Variants in LRFN2 observed in about 807,000 individuals in gnomAD.
LRFN2 encodes leucine rich repeat and fibronectin type III domain containing 2.
A neutral mutation model predicts 37.3 loss-of-function variants in LRFN2; 18 were observed. The ratio of observed to expected loss-of-function variants is 0.48; its 90% CI spans 0.33 to 0.72. The LOEUF (loss-of-function observed/expected upper bound fraction) is 0.72, where lower values mean the gene tolerates loss of function less well. Ranked by LOEUF, LRFN2 falls within the 30% of genes least tolerant of loss-of-function variation. The pLI is 0.02. For synonymous variants in LRFN2, 556 were observed against 466.6 expected, an observed-to-expected ratio of 1.19 and a Z score of -2.47; for missense variants, 1,006 against 1,060.7, an observed-to-expected ratio of 0.95 and a Z score of 0.72.
intron 2 of LRFN2, among the ~76,000 whole-genome samples, chr6:40,418,596 C>G (rs1271855815): frequency 1.3e-5 from 2 of 152,104 alleles, no homozygotes; most frequent in African/African-American, 4.8e-5. Context: ...TCATTCTTCC[C>G]CTCAGAACTA....
At chr6:40,583,880 C>T (rs924140460) in intron 1 of LRFN2, among the ~76,000 whole-genome samples, 7 of 152,086 alleles carry the variant, frequency 4.6e-5, no homozygotes, top group South Asian at 2.1e-4. Flanking sequence ...TGGGTGCTGG[C>T]GGCGGTTGGG....
intron 1 of LRFN2, among the ~76,000 whole-genome samples, chr6:40,545,436 G>A (rs944265764): frequency 7.2e-5 from 11 of 152,202 alleles, no homozygotes; most frequent in Non-Finnish European, 1.5e-4. Context: ...CAGCACCAAC[G>A]ATGGGTCATT....
intron 1 of LRFN2, among the ~76,000 whole-genome samples, chr6:40,456,203 A>C (rs1171059716): frequency 6.6e-6 from 1 of 152,248 alleles, no homozygotes; most frequent in Non-Finnish European, 1.5e-5. Flanking sequence ...CTGAGCAAAG[A>C]AGTCACAGAA....
intron 1 of LRFN2, among the ~76,000 whole-genome samples, chr6:40,583,599 G>T (rs1235482122): frequency 6.6e-6 from 1 of 152,206 alleles, no homozygotes. Context: ...TAAAGGGCTT[G>T]TCCAGTTTAC....
At position 40,506,334 on chromosome 6, in the gene LRFN2, A is replaced by G. The variant is rs532596499; in HGVS notation, c.-18-73203T>C. Among the ~76,000 whole-genome samples the G allele has an allele frequency of 2.6e-5, 4 of 152,312 alleles. No homozygotes were observed. In the South Asian group the frequency reaches 8.3e-4, roughly 32 times the overall value. On this transcript the variant is annotated intron_variant, in intron 1 of 2. Transcript: ENST00000338305. Reference sequence around the variant, plus strand: ...TTTTCATGTGGAGATTTGTGCAGGAACTTGAACTGAAAGCAGAGTTCTGAC... The same window carrying G: ...TTTTCATGTGGAGATTTGTGCAGGAGCTTGAACTGAAAGCAGAGTTCTGAC...
intron 2 of LRFN2, among the ~76,000 whole-genome samples, chr6:40,401,581 G>A (rs1433717): frequency 0.014 from 2,128 of 152,238 alleles, 51 homozygotes; most frequent in African/African-American, 0.048. Flanking sequence ...TGCAACAGCA[G>A]TTGCCTCCCC....
chr6:40,453,554 A>C (rs28499484), intron 1 of LRFN2, among the ~76,000 whole-genome samples: 38,816 of 128,184 alleles, frequency 0.3, 6,130 homozygotes, highest in South Asian at 0.4. Flanking sequence ...ACACACACAC[A>C]CCTCCCTTTG....
intron 1 of LRFN2, among the ~76,000 whole-genome samples, chr6:40,472,033 C>G (rs1764609254): frequency 6.6e-6 from 1 of 152,218 alleles, no homozygotes; most frequent in Non-Finnish European, 1.5e-5. Context: ...AATAGATGCC[C>G]CAGCCCCACT....
At chr6:40,513,315 C>A (rs1224391773) in intron 1 of LRFN2, among the ~76,000 whole-genome samples, 1 of 151,858 alleles carries the variant, frequency 6.6e-6, no homozygotes, top group East Asian at 1.9e-4. Flanking sequence ...CTCACTACAA[C>A]CTCTGCCTCC....
chr6:40,569,275 G>T (rs1055918424), intron 1 of LRFN2, among the ~76,000 whole-genome samples: 9 of 152,180 alleles, frequency 5.9e-5, no homozygotes, highest in African/African-American at 1.9e-4. Flanking sequence ...TTTCAAGGGA[G>T]GACTGGCCTG....
At chr6:40,404,921 C>T (rs1221043394) in intron 2 of LRFN2, among the ~76,000 whole-genome samples, 2 of 152,190 alleles carry the variant, frequency 1.3e-5, no homozygotes. Flanking sequence ...TCTCTCAGGC[C>T]TAGCTCAAGC....
At chr6:40,556,112 G>GC (rs1351584022) in intron 1 of LRFN2, among the ~76,000 whole-genome samples, 1 of 152,176 alleles carries the variant, frequency 6.6e-6, no homozygotes, top group South Asian at 2.1e-4. Context: ...CACCTGGAAA[G>GC]CCCCCGCACC....
chr6:40,579,375 G>C (rs980910828), intron 1 of LRFN2, among the ~76,000 whole-genome samples: 1 of 152,156 alleles, frequency 6.6e-6, no homozygotes, highest in Admixed American at 6.5e-5. Context: ...TTGGGACGAT[G>C]ACCCCAAATC....
At chr6:40,491,713 T>C (rs1765101607) in intron 1 of LRFN2, among the ~76,000 whole-genome samples, 1 of 141,558 alleles carries the variant, frequency 7.1e-6, no homozygotes, top group African/African-American at 2.6e-5. Context: ...CCTCACTCTA[T>C]TTTGCCGTGT....
chr6:40,521,841 T>C (rs1447111936), intron 1 of LRFN2, among the ~76,000 whole-genome samples: 2 of 152,196 alleles, frequency 1.3e-5, no homozygotes, highest in Admixed American at 6.5e-5. Context: ...CAGGGGGAGC[T>C]GCTAGCAGTG....
intron 2 of LRFN2, among the ~76,000 whole-genome samples, chr6:40,419,890 A>G (rs538225063): frequency 6.6e-6 from 1 of 152,298 alleles, no homozygotes; most frequent in Non-Finnish European, 1.5e-5. Context: ...CAAGCAATTC[A>G]TTTACGTTTT....
chr6:40,472,935 G>A (rs2113858313), intron 1 of LRFN2, among the ~76,000 whole-genome samples: 1 of 152,202 alleles, frequency 6.6e-6, no homozygotes. Context: ...TTCACTCGGG[G>A]CTGCATCCGT....
Position 40,432,736 on chromosome 6 carries a change from C to T in LRFN2, c.378G>A (p.Leu126=), listed in dbSNP as rs775630913. ...GGTTGTTGTTCACGATAAGGTGCTG[C>T]AGGTTGACCAGGCCCCGGAGGGTGT... ...GEDTLRGLVN[L]QHLIVNNNQL... The change falls in exon 2 of 3, where the codon CTG becomes CTA. Residue 126 remains leucine (L), a synonymous_variant. Coordinates refer to ENST00000338305, the MANE Select transcript of LRFN2 (RefSeq NM_020737.3). The T allele has an allele frequency of 4.8e-5, 77 of 1,614,050 alleles. No individual in the cohort carries two copies. Among genetic ancestry groups the T allele is most frequent in the Non-Finnish European group, 5.3e-5 (63 of 1,180,054 alleles).
intron 1 of LRFN2, among the ~76,000 whole-genome samples, chr6:40,520,828 C>G (rs909986): frequency 0.48 from 73,125 of 151,940 alleles, 18,037 homozygotes; most frequent in Middle Eastern, 0.6. Flanking sequence ...GTGAATGTAG[C>G]TGGGGAGGCT....
Sources: gnomAD v4.1 joint callset for allele counts (sites outside exome capture counted in the v4.1 genomes callset) on GRCh38, gnomAD v4.1.1 for gene constraint, MANE v1.5 for transcripts, NCBI Gene and HGNC (gene_info 2026-07-23, HGNC 2026-07-21) for gene names.